Variants in PTPRD observed in about 807,000 individuals in gnomAD.
PTPRD encodes the protein receptor-type tyrosine-protein phosphatase delta.
A neutral mutation model predicts 214.5 loss-of-function variants in PTPRD; 34 were observed. That is an observed-to-expected ratio of 0.16 (90% confidence interval 0.12 to 0.21). The LOEUF (loss-of-function observed/expected upper bound fraction) is 0.21, where lower values mean the gene tolerates loss of function less well. Ranked by LOEUF, PTPRD falls within the 10% of genes least tolerant of loss-of-function variation. PTPRD has a pLI of 1.00. For synonymous variants in PTPRD, 1,128 were observed against 845.7 expected (o/e 1.33, Z -5.79); for missense variants, 2,545 against 2,398.7 (o/e 1.06, Z -1.27).
intron 12 of PTPRD, chr9:8,700,623 C>G (rs1440980696): frequency 6.6e-6 from 1 of 152,152 alleles, no homozygotes; most frequent in African/African-American, 2.4e-5. Flanking sequence ...TCCAGAAGCA[C>G]ACAAAAGAGA....
chr9:10,391,246 C>G (rs1384400718), intron 2 of PTPRD, among the ~76,000 whole-genome samples: 1 of 151,700 alleles, frequency 6.6e-6, no homozygotes, highest in Non-Finnish European at 1.5e-5. Context: ...GGTAAAGAAG[C>G]AACATATCAG....
intron 12 of PTPRD, among the ~76,000 whole-genome samples, chr9:8,698,282 T>C (rs1404219798): frequency 6.6e-6 from 1 of 152,230 alleles, no homozygotes; most frequent in Non-Finnish European, 1.5e-5. Flanking sequence ...CTAACTGCTG[T>C]AGCTTTTAAG....
At chr9:8,479,130 G>A (rs142553150) in intron 30 of PTPRD, among the ~76,000 whole-genome samples, 3 of 152,208 alleles carry the variant, frequency 2.0e-5, no homozygotes, top group African/African-American at 7.2e-5. Flanking sequence ...ACCACGGCAA[G>A]TGACACAGCA....
chr9:10,493,010 A>T (rs2040851780), intron 2 of PTPRD, among the ~76,000 whole-genome samples: 1 of 152,172 alleles, frequency 6.6e-6, no homozygotes, highest in Non-Finnish European at 1.5e-5. Flanking sequence ...TGCTACAAAT[A>T]GAATACAATA....
rs906594085 is a variant in PTPRD, at chr9:8,801,455, G to A, written c.-103-67509C>T. Among the ~76,000 whole-genome samples, 9 of 152,270 alleles carry A rather than the reference G, an allele frequency of 5.9e-5. No individual in the cohort carries two copies. The South Asian group carries it at 1.2e-3, about 21-fold the overall frequency. ...AACCTGGCCAAGCACAGTGGCTCAC[G>A]CCTGTAATCTCAGCAATCTGGGAGG... On this transcript the variant is annotated intron_variant, in intron 11 of 45. Coordinates refer to ENST00000381196, the MANE Select transcript of PTPRD (RefSeq NM_002839.4).
rs545107110 is a variant in PTPRD at position 9,985,460 on chromosome 9, C to T, written c.-471-46850G>A. Among the ~76,000 whole-genome samples the T allele has an allele frequency of 1.3e-3, 201 of 152,156 alleles. 3 individuals are homozygous for T. The highest frequency in any genetic ancestry group is 3.4e-3 in the Middle Eastern group (1 of 294). ...TATTTTATTTACAACATGCTGGGGCCATGCCATATAATCTTTGGGAAAGAT... is the reference window on the plus strand; with the variant it reads ...TATTTTATTTACAACATGCTGGGGCTATGCCATATAATCTTTGGGAAAGAT... On this transcript the variant is annotated intron_variant, in intron 4 of 45. Coordinates refer to ENST00000381196, the MANE Select transcript of PTPRD (RefSeq NM_002839.4).
chr9:8,944,252 T>C (rs911813469), intron 11 of PTPRD, among the ~76,000 whole-genome samples: 5 of 151,982 alleles, frequency 3.3e-5, no homozygotes, highest in Admixed American at 2.0e-4. Flanking sequence ...CAGGCAATAG[T>C]GAATGCTGGC....
At chr9:9,908,542 T>C (rs1478816921) in intron 5 of PTPRD, among the ~76,000 whole-genome samples, 1 of 152,100 alleles carries the variant, frequency 6.6e-6, no homozygotes, top group Admixed American at 6.6e-5. Context: ...TAATGTATAT[T>C]ATTTCTCAAA....
chr9:9,375,101 G>A (rs1410739487), intron 9 of PTPRD, among the ~76,000 whole-genome samples: 1 of 152,128 alleles, frequency 6.6e-6, no homozygotes, highest in Non-Finnish European at 1.5e-5. Context: ...GCGTGTGTGT[G>A]TTGGCACATG....
At chr9:8,536,981 C>A (rs1007766601) in intron 14 of PTPRD, among the ~76,000 whole-genome samples, 3 of 151,982 alleles carry the variant, frequency 2.0e-5, no homozygotes, top group African/African-American at 4.8e-5. Flanking sequence ...CAAGGACCAC[C>A]ATTTTCTTTC....
At chr9:9,527,829 T>C (rs921239240) in intron 8 of PTPRD, among the ~76,000 whole-genome samples, 1 of 152,192 alleles carries the variant, frequency 6.6e-6, no homozygotes, top group Non-Finnish European at 1.5e-5. Context: ...TTGCTAGATA[T>C]TCTACCAACT....
chr9:10,058,370 G>C (rs963900784), intron 3 of PTPRD, among the ~76,000 whole-genome samples: 1 of 151,624 alleles, frequency 6.6e-6, no homozygotes, highest in Non-Finnish European at 1.5e-5. Flanking sequence ...GTAAATTCTT[G>C]GTAAACAACT....
chr9:8,321,585 T>G (rs1828231997), intron 44 of PTPRD, among the ~76,000 whole-genome samples: 2 of 146,900 alleles, frequency 1.4e-5, no homozygotes, highest in African/African-American at 5.0e-5. Context: ...TAAAATTATT[T>G]TATGACAAAA....
chr9:8,369,495 G>T (rs1040556579), intron 39 of PTPRD, among the ~76,000 whole-genome samples: 4 of 151,274 alleles, frequency 2.6e-5, no homozygotes, highest in Admixed American at 6.6e-5. Context: ...GCCTGTTGGT[G>T]CTTCTAGGAC....
chr9:10,528,772 T>C (rs570673291), intron 2 of PTPRD, among the ~76,000 whole-genome samples: 3 of 152,284 alleles, frequency 2.0e-5, no homozygotes, highest in East Asian at 3.9e-4. Context: ...TGTCTTTAAA[T>C]ATTCTCTAAC....
chr9:10,156,428 A>G (rs988390139), intron 3 of PTPRD, among the ~76,000 whole-genome samples: 1 of 152,066 alleles, frequency 6.6e-6, no homozygotes, highest in African/African-American at 2.4e-5. Flanking sequence ...TTTAATTTCT[A>G]TGTAACTATG....
At chr9:8,356,811 G>A (rs1458903026) in intron 39 of PTPRD, among the ~76,000 whole-genome samples, 4 of 151,954 alleles carry the variant, frequency 2.6e-5, no homozygotes, top group Non-Finnish European at 4.4e-5. Flanking sequence ...AACTAAATAC[G>A]TGTGCATAAA....
intron 9 of PTPRD, among the ~76,000 whole-genome samples, chr9:9,322,489 A>G (rs949229289): frequency 3.9e-5 from 6 of 152,166 alleles, no homozygotes; most frequent in African/African-American, 1.4e-4. Context: ...CACCTTAAAT[A>G]TGTCACTATA....
At chr9:9,569,906 G>A (rs904438209) in intron 8 of PTPRD, among the ~76,000 whole-genome samples, 2 of 151,490 alleles carry the variant, frequency 1.3e-5, no homozygotes, top group African/African-American at 4.8e-5. Flanking sequence ...TAATCCATAT[G>A]TATTCAGACT....
Sources: gnomAD v4.1 joint callset for allele counts (sites outside exome capture counted in the v4.1 genomes callset) on GRCh38, gnomAD v4.1.1 for gene constraint, MANE v1.5 for transcripts, NCBI Gene and HGNC (gene_info 2026-07-23, HGNC 2026-07-21) for gene names.